The following HS3ST2 variants were observed in gnomAD, a reference collection of about 807,000 sequenced individuals.
HS3ST2 encodes the protein heparan sulfate-glucosamine 3-sulfotransferase 2.
HS3ST2 carries 17 observed loss-of-function variants against 26.3 expected under a neutral mutation model. The ratio of observed to expected loss-of-function variants is 0.65; its 90% CI spans 0.44 to 0.97. The LOEUF (loss-of-function observed/expected upper bound fraction) is 0.97, where lower values mean the gene tolerates loss of function less well. HS3ST2 is among the 50% of genes least tolerant of loss of function. The pLI, the probability that HS3ST2 is intolerant of heterozygous loss-of-function variation, is 0.00. For synonymous variants in HS3ST2, 237 were observed against 219.2 expected, an observed-to-expected ratio of 1.08 and a Z score of -0.72; for missense variants, 402 against 501.2, an observed-to-expected ratio of 0.80 and a Z score of 1.89.
At chr16:22,866,407 T>TGTGTGTGTGTG (rs1491171749) in intron 1 of HS3ST2, among the ~76,000 whole-genome samples, 1 of 132,134 alleles carries the variant, frequency 7.6e-6, no homozygotes, top group African/African-American at 2.8e-5. Flanking sequence ...TGTGTGTGTG[T>TGTGTGTGTGTG]TGGGGCAGAG....
chr16:22,878,250 A>AT (rs1054630261), intron 1 of HS3ST2, among the ~76,000 whole-genome samples: 2 of 151,996 alleles, frequency 1.3e-5, no homozygotes, highest in African/African-American at 2.4e-5. Flanking sequence ...TTTTTGCTTC[A>AT]TTTTTTTTAG....
intron 1 of HS3ST2, among the ~76,000 whole-genome samples, chr16:22,865,460 G>A (rs1358131842): frequency 6.6e-6 from 1 of 152,056 alleles, no homozygotes; most frequent in Non-Finnish European, 1.5e-5. Flanking sequence ...GGAGGCTGAG[G>A]CAGGAGAATT....
intron 1 of HS3ST2, among the ~76,000 whole-genome samples, chr16:22,870,176 G>A (rs1223668251): frequency 6.6e-6 from 1 of 152,060 alleles, no homozygotes; most frequent in Non-Finnish European, 1.5e-5. Context: ...GGGATACGCT[G>A]CCCTCCTCTG....
intron 1 of HS3ST2, among the ~76,000 whole-genome samples, chr16:22,856,867 C>T (rs1455109708): frequency 6.6e-6 from 1 of 152,172 alleles, no homozygotes; most frequent in Non-Finnish European, 1.5e-5. Context: ...GAGTGCAGAG[C>T]TGAGTCATTT....
chr16:22,848,404 C>T (rs896241761), intron 1 of HS3ST2, among the ~76,000 whole-genome samples: 2 of 152,140 alleles, frequency 1.3e-5, no homozygotes, highest in Admixed American at 6.5e-5. Context: ...CTGCAATCCC[C>T]AACACATTAT....
intron 1 of HS3ST2, among the ~76,000 whole-genome samples, chr16:22,896,269 G>A (rs1902209148): frequency 6.6e-6 from 1 of 152,128 alleles, no homozygotes; most frequent in South Asian, 2.1e-4. Context: ...TTCTTTTCAA[G>A]GGATTTTTTG....
intron 1 of HS3ST2, among the ~76,000 whole-genome samples, chr16:22,866,327 G>GCACA (rs10603570): frequency 4.7e-5 from 7 of 149,298 alleles, no homozygotes; most frequent in African/African-American, 1.5e-4. Context: ...GCGCGCGCGC[G>GCACA]CACACACACA....
Position 22,814,571 on chromosome 16 carries a change from C to G in HS3ST2, c.-40C>G. The stretch of plus-strand genomic sequence containing the variant: ...CCACAGCAGCTCAGCCGCCGGTGCC[C>G]CCTCGGAAACCATGACCCCCGGCGC... On this transcript the variant is annotated 5_prime_UTR_variant, in exon 1 of 2. Transcript: ENST00000261374. 1 of 1,477,954 alleles carries G rather than the reference C, an allele frequency of 6.8e-7. No homozygotes were observed. The highest frequency in any genetic ancestry group is 8.9e-7 in the Non-Finnish European group (1 of 1,120,912). The allele number at this position is 1,477,954 out of a possible 1,614,324, so 91.6% of individuals were successfully genotyped here. A position where few individuals can be genotyped will look rare whatever the true frequency, so the allele number is the denominator to read the frequency against.
chr16:22,864,362 T>C (rs1901719059), intron 1 of HS3ST2, among the ~76,000 whole-genome samples: 1 of 152,176 alleles, frequency 6.6e-6, no homozygotes, highest in African/African-American at 2.4e-5. Context: ...ACACAGGAAA[T>C]ATGTCAGGAC....
chr16:22,874,729 G>A (rs1901888970), intron 1 of HS3ST2, among the ~76,000 whole-genome samples: 1 of 152,228 alleles, frequency 6.6e-6, no homozygotes, highest in Middle Eastern at 3.2e-3. Flanking sequence ...GCCCCAGGAA[G>A]CCAAACCACT....
At chr16:22,873,913 C>T (rs1295828886) in intron 1 of HS3ST2, among the ~76,000 whole-genome samples, 1 of 152,186 alleles carries the variant, frequency 6.6e-6, no homozygotes, top group Non-Finnish European at 1.5e-5. Flanking sequence ...GGCCCCATCT[C>T]TGAGTGATCT....
intron 1 of HS3ST2, among the ~76,000 whole-genome samples, chr16:22,890,020 T>A (rs1902109052): frequency 6.6e-6 from 1 of 152,234 alleles, no homozygotes. Flanking sequence ...CTTTCCTCTA[T>A]TTCAAGATTC....
At chr16:22,877,064 G>A (rs1455936958) in intron 1 of HS3ST2, among the ~76,000 whole-genome samples, 1 of 152,106 alleles carries the variant, frequency 6.6e-6, no homozygotes, top group African/African-American at 2.4e-5. Context: ...CAAAATCTCA[G>A]AAATCACCAC....
intron 1 of HS3ST2, among the ~76,000 whole-genome samples, chr16:22,842,860 G>A (rs1901378144): frequency 1.3e-5 from 2 of 152,118 alleles, no homozygotes; most frequent in Admixed American, 1.3e-4. Context: ...CAGGAACAAG[G>A]CTCGATTTGG....
chr16:22,895,423 A>C (rs990859532), intron 1 of HS3ST2, among the ~76,000 whole-genome samples: 2 of 152,072 alleles, frequency 1.3e-5, no homozygotes, highest in Admixed American at 1.3e-4. Context: ...CTTTTTTCCT[A>C]GGATTCTACT....
At chr16:22,910,264 A>C (rs1263230549) in intron 1 of HS3ST2, among the ~76,000 whole-genome samples, 1 of 152,162 alleles carries the variant, frequency 6.6e-6, no homozygotes, top group Admixed American at 6.5e-5. Flanking sequence ...GATATTCTTT[A>C]GTGTATTGAA....
At chr16:22,855,589 C>T (rs1305278054) in intron 1 of HS3ST2, among the ~76,000 whole-genome samples, 1 of 152,144 alleles carries the variant, frequency 6.6e-6, no homozygotes, top group African/African-American at 2.4e-5. Flanking sequence ...ACTCAGAAAG[C>T]ATTCCTTTTC....
rs911835619 is a variant in HS3ST2 at position 22,814,553 on chromosome 16, A to C, written c.-58A>C. On this transcript the variant is annotated 5_prime_UTR_variant, in exon 1 of 2. Transcript: ENST00000261374. ...CTCTAGGCGACCGCAGGGCCACAGC[A>C]GCTCAGCCGCCGGTGCCCCCTCGGA... 5 of 1,448,836 alleles carry C rather than the reference A, an allele frequency of 3.5e-6. No homozygotes were observed. Among genetic ancestry groups the C allele is most frequent in the Non-Finnish European group, 4.5e-6 (5 of 1,109,412 alleles). The allele number at this position is 1,448,836 out of a possible 1,614,324, so 89.7% of individuals were successfully genotyped here.
intron 1 of HS3ST2, among the ~76,000 whole-genome samples, chr16:22,903,620 A>G (rs535140396): frequency 6.6e-6 from 1 of 152,264 alleles, no homozygotes; most frequent in East Asian, 1.9e-4. Context: ...TCCCGAGGCA[A>G]GTGTTTACTG....
Sources: gnomAD v4.1 joint callset for allele counts (sites outside exome capture counted in the v4.1 genomes callset) on GRCh38, gnomAD v4.1.1 for gene constraint, MANE v1.5 for transcripts, NCBI Gene and HGNC (gene_info 2026-07-23, HGNC 2026-07-21) for gene names.